Variants in PCLO observed in about 807,000 individuals in gnomAD.
PCLO encodes the protein protein piccolo.
In PCLO, 82 loss-of-function variants were observed where a neutral mutation model predicts 427.5. The observed-to-expected ratio is 0.19, with a 90% CI of 0.16 to 0.23. The LOEUF is 0.23. PCLO is among the 10% of genes least tolerant of loss of function. The pLI, the probability that PCLO is intolerant of heterozygous loss-of-function variation, is 1.00. For missense variants in PCLO, 6,239 were observed against 6,115.9 expected (o/e 1.02, Z -0.67); for synonymous variants, 2,357 against 2,155.4 (o/e 1.09, Z -2.59).
At chr7:82,844,853 G>T (rs1300817819) in intron 13 of PCLO, among the ~76,000 whole-genome samples, 1 of 151,980 alleles carries the variant, frequency 6.6e-6, no homozygotes, top group Non-Finnish European at 1.5e-5. Context: ...GGTTTTCCTT[G>T]TTTGTTATTG....
intron 3 of PCLO, among the ~76,000 whole-genome samples, chr7:83,065,861 C>T (rs1418059868): frequency 6.6e-6 from 1 of 152,038 alleles, no homozygotes; most frequent in Non-Finnish European, 1.5e-5. Context: ...GTGATGAAAT[C>T]TGGTCATGAG....
intron 22 of PCLO, among the ~76,000 whole-genome samples, chr7:82,790,578 A>T (rs1290579065): frequency 6.6e-6 from 1 of 152,166 alleles, no homozygotes; most frequent in East Asian, 1.9e-4. Context: ...ACAGCAGAGT[A>T]CCTTAATATT....
chr7:83,117,832 G>A (rs1042153315), intron 3 of PCLO, among the ~76,000 whole-genome samples: 15 of 152,174 alleles, frequency 9.9e-5, no homozygotes, highest in African/African-American at 3.6e-4. Context: ...ACTTATTAGT[G>A]AAGTTGGGTA....
At chr7:83,021,845 T>C (rs988888130) in intron 3 of PCLO, among the ~76,000 whole-genome samples, 3 of 152,040 alleles carry the variant, frequency 2.0e-5, no homozygotes, top group Admixed American at 2.0e-4. Context: ...GGCAAGAAAA[T>C]AGAATTTTAT....
intron 10 of PCLO, among the ~76,000 whole-genome samples, chr7:82,876,990 AATG>A (rs752463228): frequency 1.3e-5 from 2 of 152,320 alleles, no homozygotes; most frequent in Middle Eastern, 3.4e-3. Context: ...TACAGTTTTT[AATG>A]ATTTCTCACT....
intron 3 of PCLO, among the ~76,000 whole-genome samples, chr7:83,052,859 T>C (rs1789287714): frequency 6.6e-6 from 1 of 152,006 alleles, no homozygotes; most frequent in South Asian, 2.1e-4. Flanking sequence ...CCCTTCATAT[T>C]TCTGTATTAA....
chr7:83,053,101 C>A (rs187206663), intron 3 of PCLO, among the ~76,000 whole-genome samples: 11 of 151,946 alleles, frequency 7.2e-5, no homozygotes, highest in Non-Finnish European at 1.5e-4. Flanking sequence ...TACAGATTTA[C>A]GTACAGTATT....
intron 3 of PCLO, among the ~76,000 whole-genome samples, chr7:83,069,790 C>T (rs28420651): frequency 1.9e-5 from 1 of 51,362 alleles, no homozygotes; most frequent in Admixed American, 2.3e-4. Flanking sequence ...CCCCACCCCA[C>T]CCCCCCGCCC....
intron 2 of PCLO, among the ~76,000 whole-genome samples, chr7:83,143,042 T>G (rs902646163): frequency 6.6e-5 from 10 of 152,252 alleles, no homozygotes; most frequent in Non-Finnish European, 1.2e-4. Flanking sequence ...AACGGTAAAC[T>G]ATGCAAAAGG....
chr7:83,071,744 A>AT (rs1191476190), intron 3 of PCLO, among the ~76,000 whole-genome samples: 25 of 152,082 alleles, frequency 1.6e-4, no homozygotes, highest in Non-Finnish European at 5.9e-5. Context: ...AAGGATATAT[A>AT]TTTTTTCTCC....
chr7:82,907,485 A>G (rs1794219122), intron 8 of PCLO, among the ~76,000 whole-genome samples: 1 of 152,018 alleles, frequency 6.6e-6, no homozygotes, highest in African/African-American at 2.4e-5. Context: ...TAAATTTAAG[A>G]TTTTAAATGT....
At chr7:82,948,744 A>G (rs1304858792) in intron 6 of PCLO, among the ~76,000 whole-genome samples, 1 of 152,132 alleles carries the variant, frequency 6.6e-6, no homozygotes, top group East Asian at 1.9e-4. Flanking sequence ...AAGCATACCT[A>G]TATATTTGAA....
At chr7:83,128,452 C>T (rs1188019555) in intron 3 of PCLO, among the ~76,000 whole-genome samples, 1 of 152,146 alleles carries the variant, frequency 6.6e-6, no homozygotes, top group Non-Finnish European at 1.5e-5. Context: ...TTCATCAGCA[C>T]ACGTGACCAG....
Position 82,832,236 on chromosome 7 carries a change from G to A in PCLO, c.14249+3431C>T, listed in dbSNP as rs569964071. The stretch of plus-strand genomic sequence containing the variant: ...ATATCTAAAACTTCACCCTCTTGAA[G>A]TTTTGCCTTGTTTGTTGGTTTGATT... On this transcript the variant is annotated intron_variant, in intron 16 of 24. Coordinates refer to ENST00000333891, the MANE Select transcript of PCLO (RefSeq NM_033026.6). Among the ~76,000 whole-genome samples the A allele has an allele frequency of 1.1e-4, 17 of 152,162 alleles. No homozygotes were observed. The South Asian group carries it at 3.1e-3, about 28-fold the overall frequency.
chr7:82,892,298 A>G (rs1221531568), intron 9 of PCLO, among the ~76,000 whole-genome samples: 2 of 152,274 alleles, frequency 1.3e-5, no homozygotes, highest in Admixed American at 6.5e-5. Flanking sequence ...CTGATCTTTG[A>G]CAAACCTGAC....
At chr7:82,978,016 T>C (rs1009762365) in intron 3 of PCLO, among the ~76,000 whole-genome samples, 2 of 152,120 alleles carry the variant, frequency 1.3e-5, no homozygotes, top group African/African-American at 4.8e-5. Context: ...AATCAAAGTA[T>C]TTCCTAAAAT....
intron 9 of PCLO, among the ~76,000 whole-genome samples, chr7:82,889,833 T>C (rs936971560): frequency 4.6e-5 from 7 of 152,120 alleles, no homozygotes; most frequent in African/African-American, 1.7e-4. Context: ...AAAATGTATT[T>C]ATTGGGCAAT....
chr7:82,846,278 CA>C, intron 12 of PCLO, among the ~76,000 whole-genome samples: 1 of 152,092 alleles, frequency 6.6e-6, no homozygotes, highest in Non-Finnish European at 1.5e-5. Flanking sequence ...AGGATGAATT[CA>C]TATTTAAAGA....
At chr7:83,054,828 G>C (rs1410713032) in intron 3 of PCLO, among the ~76,000 whole-genome samples, 1 of 152,018 alleles carries the variant, frequency 6.6e-6, no homozygotes, top group African/African-American at 2.4e-5. Flanking sequence ...TGAATGAGTT[G>C]AGCAACTTCA....
Sources: allele counts gnomAD v4.1 joint callset (sites outside exome capture counted in the v4.1 genomes callset), GRCh38; gene constraint gnomAD v4.1.1; transcripts MANE v1.5; gene names NCBI Gene and HGNC (gene_info 2026-07-23, HGNC 2026-07-21).